The following MFSD6 variants were observed in gnomAD, a reference collection of about 807,000 sequenced individuals.
MFSD6 encodes the protein major facilitator superfamily domain containing 6, also known as major facilitator superfamily domain-containing protein 6.
Under a neutral mutation model 56.3 loss-of-function variants are expected in MFSD6, and 26 were observed. The observed-to-expected ratio is 0.46, with a 90% confidence interval of 0.34 to 0.64. The LOEUF (loss-of-function observed/expected upper bound fraction) is 0.64. MFSD6 is among the 30% of genes least tolerant of loss of function. The pLI is 0.01. For missense variants in MFSD6, 750 were observed against 986.2 expected, an observed-to-expected ratio of 0.76 and a Z score of 3.21; for synonymous variants, 331 against 366.9, an observed-to-expected ratio of 0.90 and a Z score of 1.12.
At chr2:190,475,781 T>C (rs1027153251) in intron 4 of MFSD6, among the ~76,000 whole-genome samples, 5 of 152,158 alleles carry the variant, frequency 3.3e-5, no homozygotes, top group Non-Finnish European at 5.9e-5. Context: ...AGAACAAAGC[T>C]GGAGGCATCA....
rs1687675899 is a variant in MFSD6 at position 190,467,636 on chromosome 2, G to T, written c.1533-2122G>T. Among the ~76,000 whole-genome samples, 1 of 152,020 alleles carries T rather than the reference G, an allele frequency of 6.6e-6. No individual in the cohort carries two copies. Among genetic ancestry groups the T allele is most frequent in the Non-Finnish European group, 1.5e-5 (1 of 67,994 alleles). ...TCAAAAAAAGAAAAAGAATTAAGGA[G>T]CGAGGCCAGGTCAGTGGCAAGCTGT... On this transcript the variant is annotated intron_variant, in intron 3 of 7. Coordinates refer to ENST00000392328, the MANE Select transcript of MFSD6 (RefSeq NM_017694.4). This position sits in a 1 kb window ranked among gnomAD's most constrained non-coding sequence, Gnocchi z 5.5.
At chr2:190,481,878 A>G (rs777131671) in intron 4 of MFSD6, among the ~76,000 whole-genome samples, 3 of 152,174 alleles carry the variant, frequency 2.0e-5, no homozygotes, top group Non-Finnish European at 4.4e-5. Context: ...ATCCTCCGCC[A>G]TTTGTGGAAG....
rs1255770435 is a variant in MFSD6, at chr2:190,499,169, A to G, written c.2173-846A>G. Among the ~76,000 whole-genome samples, 1 of 149,710 alleles carries G rather than the reference A, an allele frequency of 6.7e-6. No homozygotes were observed. Among genetic ancestry groups the G allele is most frequent in the Non-Finnish European group, 1.5e-5 (1 of 67,982 alleles). ...TCTCAAAATTATAATAACAATAATA[A>G]ATAAATAAATAAAATGTTTCTGGTA... On this transcript the variant is annotated intron_variant, in intron 7 of 7. Transcript: ENST00000392328. The surrounding 1 kb of genome is among the most constrained non-coding windows in gnomAD (Gnocchi z 6.0).
At chr2:190,429,669 A>G (rs1480097354) in intron 2 of MFSD6, among the ~76,000 whole-genome samples, 2 of 152,074 alleles carry the variant, frequency 1.3e-5, no homozygotes, top group African/African-American at 4.8e-5. Flanking sequence ...AATGTTTAAT[A>G]TACTCTGTGT....
In MFSD6 at chr2:190,463,269, T is replaced by C. The variant is rs1320491490; in HGVS notation, c.1533-6489T>C. ...TATATTTTAGTTATTTTCTAAAGAG[T>C]TTGGATATATATTTTCTTACTCTCT... On this transcript the variant is annotated intron_variant, in intron 3 of 7. Transcript: ENST00000392328. This position sits in a 1 kb window ranked among gnomAD's most constrained non-coding sequence, Gnocchi z 4.4. Among the ~76,000 whole-genome samples, 1 of 152,148 alleles carries C rather than the reference T, an allele frequency of 6.6e-6. No individual in the cohort carries two copies. The highest frequency in any genetic ancestry group is 6.5e-5 in the Admixed American group (1 of 15,278).
In MFSD6 at chr2:190,413,655, G is replaced by A. The variant is rs762046138; in HGVS notation, c.-175-1637G>A. The stretch of plus-strand genomic sequence containing the variant: ...GAACTGGTGCTGCCTGAACAAGCCC[G>A]ATGTGTGGGTTAACCGTGCCAAAGG... On this transcript the variant is annotated intron_variant, in intron 1 of 7. Transcript: ENST00000392328. The surrounding 1 kb of genome is among the most constrained non-coding windows in gnomAD (Gnocchi z 4.1). 1.1e-4 allele frequency among the ~76,000 whole-genome samples: 16 copies of A among 152,146 alleles called. No individual in the cohort carries two copies. Among genetic ancestry groups the A allele is most frequent in the Admixed American group, 6.5e-4 (10 of 15,274 alleles).
rs533336802 is a variant in MFSD6 at position 190,487,821 on chromosome 2, A to G, written c.1631-836A>G. On this transcript the variant is annotated intron_variant, in intron 4 of 7. Coordinates refer to ENST00000392328, the MANE Select transcript of MFSD6 (RefSeq NM_017694.4). The surrounding 1 kb of genome is among the most constrained non-coding windows in gnomAD (Gnocchi z 5.5). ...ATGTAAAATGGTACAGCTACTTTGG[A>G]AAAAAGGTAGTTCCTCAAAGTGTTA... 1.1e-4 allele frequency among the ~76,000 whole-genome samples: 16 copies of G among 152,330 alleles called. No homozygotes were observed. In the East Asian group the frequency reaches 2.3e-3, roughly 22 times the overall value.
At position 190,439,842 on chromosome 2, in the gene MFSD6, A is replaced by T. The variant is rs1484079475; in HGVS notation, c.1532+2281A>T. On this transcript the variant is annotated intron_variant, in intron 3 of 7. Transcript: ENST00000392328. This position sits in a 1 kb window ranked among gnomAD's most constrained non-coding sequence, Gnocchi z 5.8. ...TAATTATTTCAAGTGCTTTTAAAAGAGTCTGATAGCTAAAATGAGAATATG... is the reference window on the plus strand; with the variant it reads ...TAATTATTTCAAGTGCTTTTAAAAGTGTCTGATAGCTAAAATGAGAATATG... Among the ~76,000 whole-genome samples, 1 of 152,234 alleles carries T rather than the reference A, an allele frequency of 6.6e-6. No homozygotes were observed. The highest frequency in any genetic ancestry group is 1.5e-5 in the Non-Finnish European group (1 of 68,038).
rs892724071 is a variant in MFSD6 at position 190,431,477 on chromosome 2, C to T, written c.-53-4500C>T. 3.9e-5 allele frequency among the ~76,000 whole-genome samples: 6 copies of T among 152,340 alleles called. No homozygotes were observed. Among genetic ancestry groups the T allele is most frequent in the South Asian group, 4.1e-4 (2 of 4,826 alleles). On this transcript the variant is annotated intron_variant, in intron 2 of 7. Coordinates refer to ENST00000392328, the MANE Select transcript of MFSD6 (RefSeq NM_017694.4). The surrounding 1 kb of genome is among the most constrained non-coding windows in gnomAD (Gnocchi z 4.4). ...CGGCACCTCTGGAGGCCGAGGCTGG[C>T]GGATCACTCGCGATTAGGAGCTGGA...
At position 190,410,260 on chromosome 2, in the gene MFSD6, G is replaced by C. The variant is rs1009031954; in HGVS notation, c.-176+1757G>C. Reference sequence around the variant, plus strand: ...ACATTTAGTATCTCAATCTCTGTAAGATAAATCTTTCCCCTAGTTCTGTGC... The same window carrying C: ...ACATTTAGTATCTCAATCTCTGTAACATAAATCTTTCCCCTAGTTCTGTGC... On this transcript the variant is annotated intron_variant, in intron 1 of 7. Coordinates refer to ENST00000392328, the MANE Select transcript of MFSD6 (RefSeq NM_017694.4). The surrounding 1 kb of genome is among the most constrained non-coding windows in gnomAD (Gnocchi z 4.4). 6.6e-6 allele frequency among the ~76,000 whole-genome samples: 1 copy of C among 152,112 alleles called. No homozygotes were observed. Among genetic ancestry groups the C allele is most frequent in the Non-Finnish European group, 1.5e-5 (1 of 68,028 alleles).
rs992050016 is a variant in MFSD6 at position 190,418,721 on chromosome 2, C to A, written c.-54+3308C>A. On this transcript the variant is annotated intron_variant, in intron 2 of 7. Coordinates refer to ENST00000392328, the MANE Select transcript of MFSD6 (RefSeq NM_017694.4). This position sits in a 1 kb window ranked among gnomAD's most constrained non-coding sequence, Gnocchi z 4.1. ...GCAGTGAGCTGTGATTGTGCCACTG[C>A]GCTCCAGCCTGGGTGGCAGAAGGAG... Among the ~76,000 whole-genome samples the A allele has an allele frequency of 6.6e-6, 1 of 152,164 alleles. No homozygotes were observed.
At position 190,488,157 on chromosome 2, in the gene MFSD6, T is replaced by C. The variant is rs1689125162; in HGVS notation, c.1631-500T>C. 6.6e-6 allele frequency among the ~76,000 whole-genome samples: 1 copy of C among 152,208 alleles called. No individual in the cohort carries two copies. The highest frequency in any genetic ancestry group is 2.4e-5 in the African/African-American group (1 of 41,452). On this transcript the variant is annotated intron_variant, in intron 4 of 7. Coordinates refer to ENST00000392328, the MANE Select transcript of MFSD6 (RefSeq NM_017694.4). The surrounding 1 kb of genome is among the most constrained non-coding windows in gnomAD (Gnocchi z 6.4). ...ACCTCGTGATCCACCCGCCTCGGCC[T>C]CCCAAAGTGCTGGGATTACAGGCGT... is the stretch of plus-strand genomic sequence containing the variant.
chr2:190,444,485 T>C (rs1686499988), intron 3 of MFSD6, among the ~76,000 whole-genome samples: 1 of 152,252 alleles, frequency 6.6e-6, no homozygotes, highest in African/African-American at 2.4e-5. Flanking sequence ...AGGAGTTTAC[T>C]CACAAGGTCT....
At chr2:190,409,007 A>G (rs1437966745) in intron 1 of MFSD6, among the ~76,000 whole-genome samples, 1 of 152,128 alleles carries the variant, frequency 6.6e-6, no homozygotes, top group Non-Finnish European at 1.5e-5. Flanking sequence ...AGTGACAAGG[A>G]CGCGGCCACT....
chr2:190,422,598 A>T (rs1157000099), intron 2 of MFSD6, among the ~76,000 whole-genome samples: 2 of 152,144 alleles, frequency 1.3e-5, no homozygotes, highest in African/African-American at 4.8e-5. Flanking sequence ...GATGCTTATT[A>T]TGTGAAATAT....
At chr2:190,441,484 G>A (rs1345635710) in intron 3 of MFSD6, among the ~76,000 whole-genome samples, 1 of 151,902 alleles carries the variant, frequency 6.6e-6, no homozygotes, top group Non-Finnish European at 1.5e-5. Context: ...GAGGAGGGGC[G>A]GGGGTTGGGG....
In MFSD6 at chr2:190,501,274, T is replaced by TTTC. The variant is rs1164399895; in HGVS notation, c.*1056_*1057insTTC. On this transcript the variant is annotated 3_prime_UTR_variant, in exon 8 of 8. Coordinates refer to ENST00000392328, the MANE Select transcript of MFSD6 (RefSeq NM_017694.4). ...AAGGTGGTAAATAGGAAACCATGAA[T>TTTC]GGGAAGGATGGCAATAAGTAGCAAC... The TTTC allele has an allele frequency of 1.3e-5, 2 of 152,128 alleles. No homozygotes were observed. Among genetic ancestry groups the TTTC allele is most frequent in the Non-Finnish European group, 2.9e-5 (2 of 68,024 alleles). The allele number at this position is 152,128 out of a possible 1,614,324, so 9.4% of individuals were successfully genotyped here. A position where few individuals can be genotyped will look rare whatever the true frequency, so the allele number is the denominator to read the frequency against.
At chr2:190,446,447 C>G (rs1280082905) in intron 3 of MFSD6, among the ~76,000 whole-genome samples, 6 of 152,178 alleles carry the variant, frequency 3.9e-5, no homozygotes, top group Admixed American at 3.3e-4. Context: ...CTACAGCTCC[C>G]TAGCTTTTTG....
chr2:190,414,345 A>G (rs749771940), intron 1 of MFSD6, among the ~76,000 whole-genome samples: 3 of 152,196 alleles, frequency 2.0e-5, no homozygotes, highest in African/African-American at 7.2e-5. Context: ...TTTAGCTATT[A>G]TGGAGTGCCT....
Sources: allele counts gnomAD v4.1 joint callset (sites outside exome capture counted in the v4.1 genomes callset), GRCh38; gene constraint gnomAD v4.1.1; non-coding constraint Gnocchi (gnomAD v3.1); transcripts MANE v1.5; gene names NCBI Gene and HGNC (gene_info 2026-07-23, HGNC 2026-07-21).